LHFPL3: variants seen among roughly 807,000 people sequenced by gnomAD.
LHFPL3 encodes the protein LHFPL tetraspan subfamily member 3 protein.
In LHFPL3, 5 loss-of-function variants were observed where a neutral mutation model predicts 19.3. The observed-to-expected ratio is 0.26, with a 90% CI of 0.14 to 0.54. The LOEUF (loss-of-function observed/expected upper bound fraction) is 0.54, where lower values mean the gene tolerates loss of function less well. LHFPL3 is among the 20% of genes least tolerant of loss of function. The pLI is 0.94. For missense variants in LHFPL3, 249 were observed against 307.4 expected (o/e 0.81, Z 1.42); for synonymous variants, 133 against 126.2 (o/e 1.05, Z -0.36).
At chr7:104,364,515 G>C (rs1790447979) in intron 1 of LHFPL3, among the ~76,000 whole-genome samples, 1 of 152,204 alleles carries the variant, frequency 6.6e-6, no homozygotes, top group Non-Finnish European at 1.5e-5. Flanking sequence ...TAAGTCCAAA[G>C]AACCCAGATC....
chr7:104,726,474 C>T (rs140577951), intron 1 of LHFPL3, among the ~76,000 whole-genome samples: 207 of 152,180 alleles, frequency 1.4e-3, no homozygotes, highest in Non-Finnish European at 1.6e-3. Context: ...TTTTTCCTGA[C>T]GGGCTTCTTC....
chr7:104,763,216 T>C (rs1293981358), intron 2 of LHFPL3, among the ~76,000 whole-genome samples: 4 of 152,206 alleles, frequency 2.6e-5, no homozygotes, highest in East Asian at 3.9e-4. Flanking sequence ...GGAGAGACAC[T>C]GTAAAGGTCA....
At chr7:104,458,063 G>A (rs571578326) in intron 1 of LHFPL3, among the ~76,000 whole-genome samples, 1 of 151,160 alleles carries the variant, frequency 6.6e-6, no homozygotes, top group Admixed American at 6.6e-5. Context: ...CATTTTGTAG[G>A]TTGCCTGTTC....
At chr7:104,723,074 A>G (rs922791822) in intron 1 of LHFPL3, among the ~76,000 whole-genome samples, 2 of 152,126 alleles carry the variant, frequency 1.3e-5, no homozygotes, top group East Asian at 1.9e-4. Flanking sequence ...GAAAGACCCA[A>G]TTACAAAGGT....
intron 1 of LHFPL3, among the ~76,000 whole-genome samples, chr7:104,541,926 C>T (rs1467977035): frequency 6.6e-6 from 1 of 151,836 alleles, no homozygotes; most frequent in Non-Finnish European, 1.5e-5. Flanking sequence ...AGGAGGAGGA[C>T]CCTGGGAAGG....
chr7:104,808,162 G>A (rs747271002), intron 2 of LHFPL3, among the ~76,000 whole-genome samples: 80 of 152,266 alleles, frequency 5.3e-4, no homozygotes, highest in Non-Finnish European at 9.9e-4. Context: ...GCACAGAATC[G>A]CAAACTATGC....
intron 1 of LHFPL3, chr7:104,669,318 T>C (rs1009708270): frequency 1.1e-4 from 174 of 1,613,546 alleles, no homozygotes; most frequent in Non-Finnish European, 1.3e-4. Context: ...GAAGGAAAGA[T>C]GAAAATAAAG....
chr7:104,563,540 C>T (rs1313827264), intron 1 of LHFPL3, among the ~76,000 whole-genome samples: 1 of 152,280 alleles, frequency 6.6e-6, no homozygotes, highest in African/African-American at 2.4e-5. Context: ...CCTGCTTCGG[C>T]TCGCGCACGG....
At chr7:104,435,371 G>A (rs139877125) in intron 1 of LHFPL3, among the ~76,000 whole-genome samples, 2 of 151,856 alleles carry the variant, frequency 1.3e-5, no homozygotes, top group East Asian at 3.9e-4. Flanking sequence ...CGACCTCCTG[G>A]CCTCAAGTGA....
chr7:104,668,876 C>T (rs923301339), intron 1 of LHFPL3: 14 of 1,611,976 alleles, frequency 8.7e-6, no homozygotes, highest in East Asian at 2.2e-5. Flanking sequence ...AGTAGAAGAA[C>T]GGCTACGAAG....
intron 2 of LHFPL3, among the ~76,000 whole-genome samples, chr7:104,746,427 G>A (rs1490270967): frequency 6.6e-6 from 1 of 152,156 alleles, no homozygotes; most frequent in South Asian, 2.1e-4. Flanking sequence ...AGCCAGTATT[G>A]AGGACCAATG....
chr7:104,870,399 C>G (rs1015871918), intron 2 of LHFPL3, among the ~76,000 whole-genome samples: 1 of 152,092 alleles, frequency 6.6e-6, no homozygotes, highest in Non-Finnish European at 1.5e-5. Context: ...AATATTCGCC[C>G]GACTTGCACC....
chr7:104,461,949 C>G (rs1346507996), intron 1 of LHFPL3, among the ~76,000 whole-genome samples: 1 of 151,984 alleles, frequency 6.6e-6, no homozygotes, highest in Non-Finnish European at 1.5e-5. Flanking sequence ...TTGTAATTCT[C>G]CTTGTAGAGA....
intron 1 of LHFPL3, among the ~76,000 whole-genome samples, chr7:104,599,804 C>A (rs751955136): frequency 2.6e-5 from 4 of 152,148 alleles, no homozygotes; most frequent in African/African-American, 4.8e-5. Flanking sequence ...TCTTATTTTC[C>A]CATCTAATCA....
At chr7:104,423,024 ACCCAGATTTCCTGC>A (rs953716475) in intron 1 of LHFPL3, among the ~76,000 whole-genome samples, 1 of 152,194 alleles carries the variant, frequency 6.6e-6, no homozygotes, top group African/African-American at 2.4e-5. Context: ...AACAAAACAT[ACCCAGATTTCCTGC>A]CCTCATGGAG....
intron 1 of LHFPL3, among the ~76,000 whole-genome samples, chr7:104,607,852 T>C (rs1791133103): frequency 6.6e-6 from 1 of 152,000 alleles, no homozygotes; most frequent in Non-Finnish European, 1.5e-5. Flanking sequence ...CAGACACTTC[T>C]CAAAAGAAGA....
chr7:104,427,766 A>G (rs922532085), intron 1 of LHFPL3, among the ~76,000 whole-genome samples: 2 of 152,228 alleles, frequency 1.3e-5, no homozygotes, highest in Non-Finnish European at 1.5e-5. Flanking sequence ...TCTAGTTCAA[A>G]TTGAAAACAT....
intron 2 of LHFPL3, among the ~76,000 whole-genome samples, chr7:104,800,333 G>A (rs1480953347): frequency 6.6e-6 from 1 of 152,130 alleles, no homozygotes; most frequent in Non-Finnish European, 1.5e-5. Flanking sequence ...TATATGACTA[G>A]AGCTCAGGCT....
intron 1 of LHFPL3, among the ~76,000 whole-genome samples, chr7:104,577,974 A>G (rs2116011221): frequency 6.6e-6 from 1 of 152,362 alleles, no homozygotes; most frequent in South Asian, 2.1e-4. Context: ...CAAAAAAGAA[A>G]TTCTAGAAGG....
Sources: allele counts gnomAD v4.1 joint callset (sites outside exome capture counted in the v4.1 genomes callset), GRCh38; gene constraint gnomAD v4.1.1; transcripts MANE v1.5; gene names NCBI Gene and HGNC (gene_info 2026-07-23, HGNC 2026-07-21).